POLH: variants seen among roughly 807,000 people sequenced by gnomAD.
The protein encoded by POLH is DNA polymerase eta.
Under a neutral mutation model 73.6 loss-of-function variants are expected in POLH, and 53 were observed. That is an observed-to-expected ratio of 0.72 (90% CI 0.58 to 0.91). The LOEUF (loss-of-function observed/expected upper bound fraction) is 0.91, where lower values mean the gene tolerates loss of function less well. POLH is among the 40% of genes least tolerant of loss of function. The probability of loss-of-function intolerance (pLI) is 0.00; values close to 1 mark genes in which losing one functional copy is unlikely to be tolerated. For synonymous variants in POLH, 292 were observed against 308.5 expected (o/e 0.95, Z 0.56); for missense variants, 768 against 865.4 (o/e 0.89, Z 1.41).
At position 43,618,242 on chromosome 6, in the gene POLH, GTC is replaced by G. The variant is rs1168322275; in HGVS notation, c.*3690_*3691del. 6.6e-6 allele frequency among the ~76,000 whole-genome samples: 1 copy of G among 151,944 alleles called. No individual in the cohort carries two copies. Among genetic ancestry groups the G allele is most frequent in the African/African-American group, 2.4e-5 (1 of 41,354 alleles). Reference sequence around the variant, plus strand: ...GCAATCTTGGCTCACTGCAACCTCCGTCTCTCGGGTTCAAGCAATTCTCCTGC... The same window carrying G: ...GCAATCTTGGCTCACTGCAACCTCCGTCTCGGGTTCAAGCAATTCTCCTGC... On this transcript the variant is annotated 3_prime_UTR_variant, in exon 11 of 11. Coordinates refer to ENST00000372236, the MANE Select transcript of POLH (RefSeq NM_006502.3).
chr6:43,599,698 C>G (rs1766514646), intron 5 of POLH, among the ~76,000 whole-genome samples: 1 of 151,452 alleles, frequency 6.6e-6, no homozygotes, highest in Admixed American at 6.6e-5. Flanking sequence ...TAATTTAAAC[C>G]AGACTAAATG....
In POLH at chr6:43,587,497, C is replaced by A. The variant is rs1488263452; in HGVS notation, c.490+8C>A. On this transcript the variant is annotated splice_region_variant and intron_variant, in intron 4 of 10. Coordinates refer to ENST00000372236, the MANE Select transcript of POLH (RefSeq NM_006502.3). ...AAGAGACTGTTCAGAAAGGTACTTCCATAGCATCATACTGCTTCTGCTTCC... is the reference window on the plus strand; with the variant it reads ...AAGAGACTGTTCAGAAAGGTACTTCAATAGCATCATACTGCTTCTGCTTCC... 1 of 1,582,264 alleles carries A rather than the reference C, an allele frequency of 6.3e-7. No individual in the cohort carries two copies. The highest frequency in any genetic ancestry group is 1.1e-5 in the South Asian group (1 of 90,478).
intron 4 of POLH, among the ~76,000 whole-genome samples, chr6:43,597,173 T>C (rs1306637158): frequency 1.3e-5 from 2 of 152,168 alleles, no homozygotes; most frequent in Non-Finnish European, 2.9e-5. Flanking sequence ...TGGAGTGCAG[T>C]GGCGCAATCT....
In POLH at chr6:43,620,094, C is replaced by G; in HGVS notation, c.*5537C>G. On this transcript the variant is annotated 3_prime_UTR_variant, in exon 11 of 11. Coordinates refer to ENST00000372236, the MANE Select transcript of POLH (RefSeq NM_006502.3). ...CCAAGAGTAATTTAGGCTATGTAAA[C>G]TTGAAAAATATGGGACCAGATTACC... 1 of 339,550 alleles carries G rather than the reference C, an allele frequency of 2.9e-6. No individual in the cohort carries two copies. The allele number at this position is 339,550 out of a possible 1,614,324, so 21.0% of individuals were successfully genotyped here.
intron 1 of POLH, among the ~76,000 whole-genome samples, chr6:43,580,461 GCTC>G (rs1763932795): frequency 6.7e-6 from 1 of 149,708 alleles, no homozygotes; most frequent in African/African-American, 2.5e-5. Context: ...GGGCAGAGGG[GCTC>G]CTCACTTCCC....
intron 3 of POLH, among the ~76,000 whole-genome samples, chr6:43,585,267 A>G (rs1354781342): frequency 6.6e-6 from 1 of 152,176 alleles, no homozygotes; most frequent in East Asian, 1.9e-4. Flanking sequence ...TATTACAGCT[A>G]TTTGGAACCT....
rs1768441166 is a variant in POLH, at chr6:43,617,703, G to A, written c.*3146G>A. Among the ~76,000 whole-genome samples the A allele has an allele frequency of 6.6e-6, 1 of 152,100 alleles. No homozygotes were observed. The highest frequency in any genetic ancestry group is 2.4e-5 in the African/African-American group (1 of 41,422). On this transcript the variant is annotated 3_prime_UTR_variant, in exon 11 of 11. Transcript: ENST00000372236. ...CCAGCACTTTGGGAGGCTGAGGTGG[G>A]TGTATCACGAGGTCAAGAGATCAAG... is the stretch of plus-strand genomic sequence containing the variant.
At position 43,601,105 on chromosome 6, in the gene POLH, C is replaced by G. The variant is rs1322019565; in HGVS notation, c.764+14C>G. ...CATTCGCAAAATGTAAGTATTCAGG[C>G]AGCATGTTAAATTTCACTTCTATCC... is the stretch of plus-strand genomic sequence containing the variant. On this transcript the variant is annotated intron_variant, in intron 6 of 10. Transcript: ENST00000372236. 1 of 1,548,146 alleles carries G rather than the reference C, an allele frequency of 6.5e-7. No homozygotes were observed.
chr6:43,597,784 A>G lies in POLH; in HGVS notation c.579A>G (p.Gly193=), dbSNP rs1582297456. ...CTCCAGACCTGCAGCTCACCGTGGG[A>G]GCAGTGATTGTGGAGGAAATGAGAG... ...LTSPDLQLTV[G]AVIVEEMRAA... Residue 193 remains glycine (G), a synonymous_variant, in exon 5 of 11, where the codon GGA becomes GGG. Transcript: ENST00000372236. The G allele has an allele frequency of 2.5e-6, 4 of 1,613,590 alleles. No individual in the cohort carries two copies. The East Asian group carries it at 6.7e-5, about 27-fold the overall frequency.
intron 4 of POLH, among the ~76,000 whole-genome samples, chr6:43,589,483 C>T (rs1765207627): frequency 6.6e-6 from 1 of 152,144 alleles, no homozygotes; most frequent in African/African-American, 2.4e-5. Context: ...GATTGAAGAT[C>T]TCTTCATACA....
rs370219191 is a variant in POLH at position 43,583,111 on chromosome 6, G to A, written c.242G>A (p.Arg81His). The change falls in exon 3 of 11, where the codon CGT becomes CAT. Residue 81 changes from arginine to histidine, a missense_variant. By Grantham distance (29) the Arg-to-His change is conservative. Transcript: ENST00000372236. ...CCAGATCTTCTACTGGCACAAGTTC[G>A]TGAGTCCCGTGGGAAAGCTAACCTC... ...LCPDLLLAQV[R>H]ESRGKANLTK... is the part of the protein sequence containing the mutation. 2.2e-5 allele frequency: 35 copies of A among 1,613,816 alleles called. No individual in the cohort carries two copies. The highest frequency in any genetic ancestry group is 8.0e-5 in the African/African-American group (6 of 74,868).
At chr6:43,604,582 T>C (rs770375822) in intron 7 of POLH, 33 bp from the exon 8 acceptor site, 6 of 1,608,618 alleles carry the variant, frequency 3.7e-6, no homozygotes, top group African/African-American at 1.3e-5. Flanking sequence ...AATCATTTAA[T>C]TTCACCTTAA....
At chr6:43,594,384 A>G (rs1765818109) in intron 4 of POLH, among the ~76,000 whole-genome samples, 2 of 152,298 alleles carry the variant, frequency 1.3e-5, no homozygotes, top group East Asian at 1.9e-4. Context: ...TTAAAAAAAA[A>G]GCAAAAAATG....
At chr6:43,595,675 C>T (rs1171015485) in intron 4 of POLH, among the ~76,000 whole-genome samples, 4 of 151,866 alleles carry the variant, frequency 2.6e-5, no homozygotes, top group African/African-American at 4.8e-5. Flanking sequence ...GACGTGGACT[C>T]GGGAGGCTGA....
chr6:43,587,457 G>A lies in POLH; in HGVS notation c.458G>A (p.Gly153Asp), dbSNP rs367709714. ...PSTYIEGLPQ[G>D]PTTAEETVQK... Reference sequence around the variant, plus strand: ...ACTTACATTGAAGGGTTGCCCCAAGGCCCTACAACGGCAGAAGAGACTGTT... The same window carrying A: ...ACTTACATTGAAGGGTTGCCCCAAGACCCTACAACGGCAGAAGAGACTGTT... Residue 153 changes from glycine to aspartate, a missense_variant, in exon 4 of 11, where the codon GGC becomes GAC. Coordinates refer to ENST00000372236, the MANE Select transcript of POLH (RefSeq NM_006502.3). 63 of 1,613,818 alleles carry A rather than the reference G, an allele frequency of 3.9e-5. No homozygotes were observed. The highest frequency in any genetic ancestry group is 4.4e-5 in the Non-Finnish European group (52 of 1,179,834).
chr6:43,603,841 A>G, intron 6 of POLH, 51 bp from the exon 7 acceptor site: 10 of 1,600,950 alleles, frequency 6.2e-6, no homozygotes, highest in Non-Finnish European at 8.6e-6. Context: ...TTTGCTGCTA[A>G]TTAGATAGTT....
At position 43,619,148 on chromosome 6, in the gene POLH, G is replaced by A. The variant is rs1253534818; in HGVS notation, c.*4591G>A. 6.6e-6 allele frequency among the ~76,000 whole-genome samples: 1 copy of A among 152,026 alleles called. No homozygotes were observed. Among genetic ancestry groups the A allele is most frequent in the East Asian group, 1.9e-4 (1 of 5,188 alleles). On this transcript the variant is annotated 3_prime_UTR_variant, in exon 11 of 11. Transcript: ENST00000372236. ...TCCTAACACTTTGGGAGGCTGAGGT[G>A]GGTGGACTACTGGAGCCCTGGAGTT...
intron 1 of POLH, among the ~76,000 whole-genome samples, chr6:43,582,034 G>C (rs745689797): frequency 1.3e-5 from 2 of 152,160 alleles, no homozygotes; most frequent in Middle Eastern, 3.2e-3. Flanking sequence ...ATGTTTATTA[G>C]AGCATTGTAG....
rs964405661 is a variant in POLH, at chr6:43,593,635, A to T, written c.491-4061A>T. Among the ~76,000 whole-genome samples the T allele has an allele frequency of 3.9e-5, 6 of 152,338 alleles. No individual in the cohort carries two copies. In the East Asian group the frequency reaches 1.2e-3, roughly 29 times the overall value. On this transcript the variant is annotated intron_variant, in intron 4 of 10. Coordinates refer to ENST00000372236, the MANE Select transcript of POLH (RefSeq NM_006502.3). ...AGTGGCTCACGCCTGTAATCCCAGC[A>T]CTTTGAGAGGCCAGGGTGAGCGAAT...
Sources: gnomAD v4.1 joint callset for allele counts (sites outside exome capture counted in the v4.1 genomes callset) on GRCh38, gnomAD v4.1.1 for gene constraint, MANE v1.5 for transcripts, NCBI Gene and HGNC (gene_info 2026-07-23, HGNC 2026-07-21) for gene names.